Variants in ITGBL1 observed in about 807,000 individuals in gnomAD.
The protein encoded by ITGBL1 is integrin beta-like protein 1.
A neutral mutation model predicts 68.5 loss-of-function variants in ITGBL1; 51 were observed. That is an observed-to-expected ratio of 0.74 (90% CI 0.59 to 0.94). The LOEUF is 0.94. Among genes scored for constraint, ITGBL1 ranks in the 40% least tolerant of loss-of-function variants. The pLI is 0.00. For synonymous variants in ITGBL1, 209 were observed against 227.3 expected (o/e 0.92, Z 0.72); for missense variants, 649 against 647.4 (o/e 1.00, Z -0.03).
chr13:101,714,714 A>G, intron 10 of ITGBL1, 163 bp downstream of exon 10: 1 of 603,542 alleles, frequency 1.7e-6, no homozygotes, highest in East Asian at 2.8e-5. Context: ...CCCTCACAAA[A>G]GCCTCACATT....
At chr13:101,704,023 T>A (rs951630753) in intron 8 of ITGBL1, among the ~76,000 whole-genome samples, 1 of 152,108 alleles carries the variant, frequency 6.6e-6, no homozygotes, top group Non-Finnish European at 1.5e-5. Flanking sequence ...GGAGAGACCA[T>A]GTAAATTGCC....
chr13:101,564,620 G>GAC (rs1566733808), intron 2 of ITGBL1, among the ~76,000 whole-genome samples: 1 of 147,394 alleles, frequency 6.8e-6, no homozygotes, highest in Non-Finnish European at 1.5e-5. Context: ...TGTATATGTT[G>GAC]ATATATATAT....
At chr13:101,642,798 C>T (rs2032426657) in intron 7 of ITGBL1, among the ~76,000 whole-genome samples, 1 of 151,996 alleles carries the variant, frequency 6.6e-6, no homozygotes, top group Non-Finnish European at 1.5e-5. Context: ...CCAGTTTTCC[C>T]AGCACCATTT....
downstream of ITGBL1, chr13:101,716,553 G>A (rs2034729700): frequency 6.6e-6 from 1 of 152,108 alleles, no homozygotes; most frequent in Non-Finnish European, 1.5e-5. Context: ...AAACTGGGCA[G>A]GGGTTATGCG....
chr13:101,616,011 G>A (rs1452339275), intron 7 of ITGBL1, among the ~76,000 whole-genome samples: 1 of 152,040 alleles, frequency 6.6e-6, no homozygotes, highest in Non-Finnish European at 1.5e-5. Flanking sequence ...CTCATCTATG[G>A]TATATTTTAT....
intron 3 of ITGBL1, among the ~76,000 whole-genome samples, chr13:101,568,412 AG>A (rs1424064897): frequency 6.6e-6 from 1 of 152,172 alleles, no homozygotes; most frequent in African/African-American, 2.4e-5. Context: ...CATATAAAAG[AG>A]TTGCAGTTTA....
At chr13:101,609,633 C>T (rs975845919) in intron 7 of ITGBL1, among the ~76,000 whole-genome samples, 5 of 152,096 alleles carry the variant, frequency 3.3e-5, no homozygotes, top group African/African-American at 2.4e-5. Flanking sequence ...TCTTGCCTTT[C>T]ATCTTGCTAT....
intron 2 of ITGBL1, among the ~76,000 whole-genome samples, chr13:101,526,204 G>T (rs1468162813): frequency 6.9e-6 from 1 of 145,674 alleles, no homozygotes; most frequent in African/African-American, 2.6e-5. Context: ...TATGCAGAAC[G>T]TGCAAGTTTG....
In ITGBL1 at chr13:101,686,909, T is replaced by C. The variant is rs74122634; in HGVS notation, c.1016-5676T>C. Among the ~76,000 whole-genome samples the C allele has an allele frequency of 6.3e-3, 959 of 152,316 alleles. 9 individuals are homozygous for C. The highest frequency in any genetic ancestry group is 0.021 in the African/African-American group (880 of 41,584). ...TAAGCTTCCTTTTTAATGAATACTT[T>C]AAATATTTTGAGATAGTTATATAGA... On this transcript the variant is annotated intron_variant, in intron 7 of 10. Coordinates refer to ENST00000376180, the MANE Select transcript of ITGBL1 (RefSeq NM_004791.3).
intron 5 of ITGBL1, among the ~76,000 whole-genome samples, chr13:101,581,785 A>G (rs1415872213): frequency 1.3e-5 from 2 of 152,200 alleles, no homozygotes; most frequent in Non-Finnish European, 2.9e-5. Flanking sequence ...TGTTGGGTAC[A>G]TTAATTAAAG....
intron 7 of ITGBL1, among the ~76,000 whole-genome samples, chr13:101,617,769 G>T (rs1391656546): frequency 6.6e-6 from 1 of 152,100 alleles, no homozygotes; most frequent in Non-Finnish European, 1.5e-5. Flanking sequence ...ACTTTGGCTA[G>T]TGAATATCCA....
chr13:101,478,614 G>T (rs1374521551), intron 2 of ITGBL1, among the ~76,000 whole-genome samples: 1 of 151,852 alleles, frequency 6.6e-6, no homozygotes, highest in Non-Finnish European at 1.5e-5. Flanking sequence ...TATTAGAACT[G>T]ATAAATTCAG....
chr13:101,693,288 C>T (rs2139557943), intron 8 of ITGBL1, among the ~76,000 whole-genome samples: 1 of 152,256 alleles, frequency 6.6e-6, no homozygotes, highest in East Asian at 1.9e-4. Flanking sequence ...CAACATTATT[C>T]TTGCATTGCA....
chr13:101,526,151 TC>T (rs2049373696), intron 2 of ITGBL1, among the ~76,000 whole-genome samples: 1 of 59,348 alleles, frequency 1.7e-5, no homozygotes. Flanking sequence ...TTCTTCTTCT[TC>T]TTCTTTTTTT....
At chr13:101,476,514 C>A (rs2048538942) in intron 2 of ITGBL1, among the ~76,000 whole-genome samples, 1 of 151,900 alleles carries the variant, frequency 6.6e-6, no homozygotes, top group Non-Finnish European at 1.5e-5. Flanking sequence ...TATAAATGGA[C>A]TAAACTCTCT....
At position 101,709,747 on chromosome 13, in the gene ITGBL1, A is replaced by G. The variant is rs968933591; in HGVS notation, c.1279+2845A>G. Among the ~76,000 whole-genome samples, 10 of 152,218 alleles carry G rather than the reference A, an allele frequency of 6.6e-5. No individual in the cohort carries two copies. In the East Asian group the frequency reaches 1.9e-3, roughly 29 times the overall value. On this transcript the variant is annotated intron_variant, in intron 9 of 10. Coordinates refer to ENST00000376180, the MANE Select transcript of ITGBL1 (RefSeq NM_004791.3). Reference sequence around the variant, plus strand: ...TATTGTTTGTGTTTGTGTGTTTACTACGCTCACTATTGAATCATTAACACT... The same window carrying G: ...TATTGTTTGTGTTTGTGTGTTTACTGCGCTCACTATTGAATCATTAACACT...
chr13:101,507,094 C>T (rs1036974078), intron 2 of ITGBL1, among the ~76,000 whole-genome samples: 1 of 152,170 alleles, frequency 6.6e-6, no homozygotes, highest in African/African-American at 2.4e-5. Flanking sequence ...GATTCCTTCT[C>T]CACGCCCCAG....
chr13:101,652,927 G>C (rs935787947), intron 7 of ITGBL1, among the ~76,000 whole-genome samples: 2 of 151,916 alleles, frequency 1.3e-5, no homozygotes, highest in African/African-American at 4.8e-5. Flanking sequence ...GAGAAACCCT[G>C]TCTCTACTAA....
intron 2 of ITGBL1, among the ~76,000 whole-genome samples, chr13:101,477,117 A>C (rs1398190803): frequency 6.6e-6 from 1 of 152,176 alleles, no homozygotes; most frequent in Non-Finnish European, 1.5e-5. Context: ...TAAAGAATTC[A>C]AAAATATTGA....
Sources: allele counts gnomAD v4.1 joint callset (sites outside exome capture counted in the v4.1 genomes callset), GRCh38; gene constraint gnomAD v4.1.1; transcripts MANE v1.5; gene names NCBI Gene and HGNC (gene_info 2026-07-23, HGNC 2026-07-21).